Variants in NHEJ1 observed in about 807,000 individuals in gnomAD.
NHEJ1 encodes the protein non-homologous end joining factor 1.
In NHEJ1, 22 loss-of-function variants were observed where a neutral mutation model predicts 39.4. The observed-to-expected ratio is 0.56, with a 90% CI of 0.40 to 0.80. The LOEUF (loss-of-function observed/expected upper bound fraction) is 0.80. Among genes scored for constraint, NHEJ1 ranks in the 30% least tolerant of loss-of-function variants. The pLI, the probability that NHEJ1 is intolerant of heterozygous loss-of-function variation, is 0.00. For synonymous variants in NHEJ1, 154 were observed against 135.6 expected (o/e 1.14, Z -0.94); for missense variants, 329 against 357.1 (o/e 0.92, Z 0.63).
intron 5 of NHEJ1, among the ~76,000 whole-genome samples, chr2:219,121,183 G>A (rs1949467926): frequency 6.6e-6 from 1 of 151,572 alleles, no homozygotes; most frequent in African/African-American, 2.4e-5. Context: ...TCCAGCCTGG[G>A]CAACAAGAGC....
At chr2:219,137,073 A>T (rs1429881729) in intron 5 of NHEJ1, among the ~76,000 whole-genome samples, 1 of 145,070 alleles carries the variant, frequency 6.9e-6, no homozygotes, top group Non-Finnish European at 1.5e-5. Flanking sequence ...CTTCTTGAGA[A>T]AAAAAAAAAA....
At chr2:219,103,575 C>T (rs1949287099) in intron 5 of NHEJ1, among the ~76,000 whole-genome samples, 1 of 152,198 alleles carries the variant, frequency 6.6e-6, no homozygotes, top group South Asian at 2.1e-4. Flanking sequence ...CATGCCTGAC[C>T]ACCATTTTTT....
rs1460550987 is a variant in NHEJ1, at chr2:219,075,200, C to G, written c.*1181G>C. ...CCTTTGATAAGTCACTTACTCACTT[C>G]AGGATCCAATTTCTTAATGGGTTAA... is the stretch of plus-strand genomic sequence containing the variant. On this transcript the variant is annotated 3_prime_UTR_variant, in exon 8 of 8. Transcript: ENST00000356853. The G allele has an allele frequency of 6.6e-6, 1 of 152,186 alleles. No individual in the cohort carries two copies. Among genetic ancestry groups the G allele is most frequent in the Non-Finnish European group, 1.5e-5 (1 of 68,034 alleles). The allele number at this position is 152,186 out of a possible 1,614,324, so 9.4% of individuals were successfully genotyped here. A position where few individuals can be genotyped will look rare whatever the true frequency, so the allele number is the denominator to read the frequency against.
intron 5 of NHEJ1, among the ~76,000 whole-genome samples, chr2:219,131,404 C>T (rs1213057011): frequency 1.7e-4 from 26 of 152,170 alleles, no homozygotes; most frequent in Admixed American, 1.7e-3. Flanking sequence ...TATTAGTTTA[C>T]AAGGTGAAGT....
intron 5 of NHEJ1, among the ~76,000 whole-genome samples, chr2:219,091,254 A>G (rs1949157599): frequency 6.6e-6 from 1 of 152,172 alleles, no homozygotes; most frequent in South Asian, 2.1e-4. Flanking sequence ...AAAAGCCAGA[A>G]GCTGAAACTT....
intron 3 of NHEJ1, among the ~76,000 whole-genome samples, chr2:219,151,481 G>A (rs2106364603): frequency 6.6e-6 from 1 of 152,274 alleles, no homozygotes; most frequent in African/African-American, 2.4e-5. Context: ...AGACCCCAAT[G>A]TCTATTTGGT....
intron 5 of NHEJ1, among the ~76,000 whole-genome samples, chr2:219,103,988 T>G (rs1428297815): frequency 6.6e-6 from 1 of 152,224 alleles, no homozygotes; most frequent in African/African-American, 2.4e-5. Context: ...ATTATCTGTA[T>G]GAATAATGTT....
chr2:219,105,183 CACACCTCATAATCTTCCAGTA>C (rs1348606339), intron 5 of NHEJ1, among the ~76,000 whole-genome samples: 11 of 152,104 alleles, frequency 7.2e-5, no homozygotes, highest in African/African-American at 2.7e-4. Flanking sequence ...ATAAAAATAA[CACACCTCATAATCTTCCAGTA>C]ACATAGGGTG....
At chr2:219,108,814 A>G (rs113929540) in intron 5 of NHEJ1, among the ~76,000 whole-genome samples, 13 of 145,270 alleles carry the variant, frequency 8.9e-5, no homozygotes, top group African/African-American at 3.3e-4. Context: ...TCCTGGGTGG[A>G]AAAAAAAAAA....
rs5838720 is a variant in NHEJ1 at position 219,159,526 on chromosome 2, C to CATATATATATATGCAT, written c.1-1165_1-1164insATGCATATATATATAT. Among the ~76,000 whole-genome samples the CATATATATATATGCAT allele has an allele frequency of 1.2e-4, 5 of 42,106 alleles. 1 individual carries two copies. The East Asian group carries it at 2.5e-3, about 21-fold the overall frequency. 27.6% of individuals were successfully genotyped at this position (42,106 alleles called of 152,430 possible). On this transcript the variant is annotated intron_variant, in intron 1 of 7. Coordinates refer to ENST00000356853, the MANE Select transcript of NHEJ1 (RefSeq NM_024782.3). ...TGTGACATAACTTTATATATATATG[C>CATATATATATATGCAT]ATATATATATGCATATATATATATG...
intron 5 of NHEJ1, among the ~76,000 whole-genome samples, chr2:219,125,305 C>A (rs1477952317): frequency 6.6e-6 from 1 of 151,850 alleles, no homozygotes; most frequent in Non-Finnish European, 1.5e-5. Context: ...GGGAAATCCA[C>A]AAGTCCTCTC....
intron 5 of NHEJ1, among the ~76,000 whole-genome samples, chr2:219,126,959 G>T (rs529721594): frequency 6.6e-5 from 9 of 136,540 alleles, no homozygotes; most frequent in African/African-American, 2.2e-4. Flanking sequence ...AAGAAGCAAG[G>T]TGGAGAGTAT....
chr2:219,084,077 G>A (rs147876364), intron 5 of NHEJ1, among the ~76,000 whole-genome samples: 5 of 146,436 alleles, frequency 3.4e-5, no homozygotes, highest in African/African-American at 5.1e-5. Context: ...TACAGTCTCC[G>A]CTCACTGCAA....
At chr2:219,132,802 C>G (rs897277787) in intron 5 of NHEJ1, among the ~76,000 whole-genome samples, 3 of 152,066 alleles carry the variant, frequency 2.0e-5, no homozygotes, top group Non-Finnish European at 4.4e-5. Context: ...CAAATGAATC[C>G]ATTTCTTCCT....
intron 7 of NHEJ1, 22 bp downstream of exon 7, chr2:219,077,224 C>A (rs370143288): frequency 3.8e-5 from 60 of 1,573,978 alleles, no homozygotes; most frequent in Non-Finnish European, 5.2e-5. Context: ...GAACACCATC[C>A]AGGAAGCTGC....
intron 5 of NHEJ1, among the ~76,000 whole-genome samples, chr2:219,138,330 C>A (rs368917966): frequency 6.6e-6 from 1 of 152,106 alleles, no homozygotes; most frequent in Non-Finnish European, 1.5e-5. Context: ...CACTTCATCC[C>A]GAAGTTGGGA....
chr2:219,135,866 T>G (rs1007476572), intron 5 of NHEJ1, among the ~76,000 whole-genome samples: 2 of 152,154 alleles, frequency 1.3e-5, no homozygotes, highest in Non-Finnish European at 2.9e-5. Context: ...AATGGTGGAT[T>G]TGATGGAGCA....
intron 3 of NHEJ1, among the ~76,000 whole-genome samples, chr2:219,152,787 ATT>A (rs1553548962): frequency 5.5e-4 from 24 of 43,744 alleles, no homozygotes; most frequent in Non-Finnish European, 9.5e-4. Flanking sequence ...TTATTTATTT[ATT>A]TTTATTTATT....
chr2:219,070,679 TTTC>T lies in NHEJ1; in HGVS notation c.*5699_*5701del, dbSNP rs749015496. On this transcript the variant is annotated 3_prime_UTR_variant, in exon 8 of 8. Coordinates refer to ENST00000356853, the MANE Select transcript of NHEJ1 (RefSeq NM_024782.3). ...CACAATCCAGACACTCAATCTTTTC[TTTC>T]TTTTTTTTTTTTAATTCAAAATACC... Among the ~76,000 whole-genome samples the T allele has an allele frequency of 4.0e-5, 6 of 151,320 alleles. No homozygotes were observed. Among genetic ancestry groups the T allele is most frequent in the African/African-American group, 9.8e-5 (4 of 40,978 alleles).
Sources: gnomAD v4.1 joint callset for allele counts (sites outside exome capture counted in the v4.1 genomes callset) on GRCh38, gnomAD v4.1.1 for gene constraint, MANE v1.5 for transcripts, NCBI Gene and HGNC (gene_info 2026-07-23, HGNC 2026-07-21) for gene names.